MEF2A: variants seen among roughly 807,000 people sequenced by gnomAD.
MEF2A encodes the protein myocyte enhancer factor 2A, also known as myocyte-specific enhancer factor 2A.
In MEF2A, 28 loss-of-function variants were observed where a neutral mutation model predicts 55.8. The ratio of observed to expected loss-of-function variants is 0.50; its 90% CI spans 0.37 to 0.69. The LOEUF is 0.69. MEF2A is among the 30% of genes least tolerant of loss of function. The probability of loss-of-function intolerance (pLI) is 0.00; values close to 1 mark genes in which losing one functional copy is unlikely to be tolerated. For synonymous variants in MEF2A, 239 were observed against 227.1 expected (o/e 1.05, Z -0.47); for missense variants, 528 against 626.2 (o/e 0.84, Z 1.67).
intron 7 of MEF2A, among the ~76,000 whole-genome samples, chr15:99,687,137 C>T (rs1425684926): frequency 6.9e-6 from 1 of 144,398 alleles, no homozygotes; most frequent in Admixed American, 7.1e-5. Flanking sequence ...CCATGTTGCC[C>T]AGGCTGGTTT....
At chr15:99,582,138 C>A (rs893452078) in intron 1 of MEF2A, among the ~76,000 whole-genome samples, 8 of 152,108 alleles carry the variant, frequency 5.3e-5, no homozygotes, top group Middle Eastern at 6.8e-3. Flanking sequence ...CTTTAATATG[C>A]CCATATAAGA....
Position 99,673,574 on chromosome 15 carries a change from A to G in MEF2A, c.391-819A>G, listed in dbSNP as rs527712872. Among the ~76,000 whole-genome samples, 3 of 152,312 alleles carry G rather than the reference A, an allele frequency of 2.0e-5. No homozygotes were observed. The East Asian group carries it at 5.8e-4, about 29-fold the overall frequency. On this transcript the variant is annotated intron_variant, in intron 5 of 11. Transcript: ENST00000557942. ...TTATTTTCTCCCACTTTAAATTGTA[A>G]AGAGCAACATATATTTATCGTGGTT...
intron 4 of MEF2A, among the ~76,000 whole-genome samples, chr15:99,669,277 T>TCC (rs2050398868): frequency 6.6e-6 from 1 of 152,202 alleles, no homozygotes; most frequent in African/African-American, 2.4e-5. Context: ...ATATCAGAGA[T>TCC]TTAGGACTAG....
At chr15:99,620,046 G>A (rs1008924619) in intron 2 of MEF2A, among the ~76,000 whole-genome samples, 1 of 152,162 alleles carries the variant, frequency 6.6e-6, no homozygotes, top group Non-Finnish European at 1.5e-5. Context: ...TTGTTTTGTA[G>A]TAACTTTTTT....
At chr15:99,634,206 TA>T (rs1025071363) in intron 3 of MEF2A, among the ~76,000 whole-genome samples, 10 of 152,084 alleles carry the variant, frequency 6.6e-5, no homozygotes, top group Non-Finnish European at 1.5e-4. Flanking sequence ...TAATTGGAGA[TA>T]AAACTCAACT....
chr15:99,597,161 C>T (rs1013275052), intron 1 of MEF2A, among the ~76,000 whole-genome samples: 1 of 152,110 alleles, frequency 6.6e-6, no homozygotes, highest in Non-Finnish European at 1.5e-5. Context: ...TGCCGGTGAG[C>T]CGGGTGGAAC....
chr15:99,639,228 C>A (rs958519969), intron 3 of MEF2A, among the ~76,000 whole-genome samples: 1 of 151,968 alleles, frequency 6.6e-6, no homozygotes, highest in South Asian at 2.1e-4. Context: ...GATTTACTGT[C>A]CTCTTTATAA....
At position 99,710,713 on chromosome 15, in the gene MEF2A, G is replaced by C; in HGVS notation, c.1089G>C (p.Ser363=). 6.2e-7 allele frequency: 1 copy of C among 1,613,164 alleles called. No individual in the cohort carries two copies. The highest frequency in any genetic ancestry group is 8.5e-7 in the Non-Finnish European group (1 of 1,179,212). ...SPGMLSLGQV[S]AWQQHHLGQA... ...GAATGCTGTCGCTGGGACAGGTGTC[G>C]GCCTGGCAGCAGCACCACCTAGGAC... is the stretch of plus-strand genomic sequence containing the variant. Residue 363 remains serine, a synonymous_variant, in exon 11 of 12, where the codon TCG becomes TCC. Coordinates refer to ENST00000557942, the MANE Select transcript of MEF2A (RefSeq NM_001319206.4).
intron 4 of MEF2A, among the ~76,000 whole-genome samples, chr15:99,663,327 A>G (rs911227575): frequency 6.6e-6 from 1 of 152,176 alleles, no homozygotes; most frequent in Non-Finnish European, 1.5e-5. Flanking sequence ...AGATTATAGT[A>G]ATATGCATTT....
chr15:99,690,423 C>G lies in MEF2A; in HGVS notation c.853C>G (p.Pro285Ala), dbSNP rs777926012. 2 of 1,591,896 alleles carry G rather than the reference C, an allele frequency of 1.3e-6. No individual in the cohort carries two copies. The highest frequency in any genetic ancestry group is 3.5e-5 in the Admixed American group (2 of 57,128). The part of the protein sequence containing the change: ...IPPSSKGMMP[P>A]LSEEEELELN... ...CCCTTCAAGCAAGGGCATGATGCCT[C>G]CACTAGTAAGTTGAACCTTTCTTCA... Residue 285 changes from proline (P) to alanine (A), a missense_variant, in exon 8 of 12, where the codon CCA becomes GCA. Around this residue, in one of 2 missense-constraint regions of MEF2A, gnomAD observed 450 missense variants for 475.3 expected, o/e 0.95. Coordinates refer to ENST00000557942, the MANE Select transcript of MEF2A (RefSeq NM_001319206.4).
chr15:99,607,513 C>T (rs904778847), intron 2 of MEF2A, among the ~76,000 whole-genome samples: 2 of 152,056 alleles, frequency 1.3e-5, no homozygotes, highest in Middle Eastern at 3.2e-3. Flanking sequence ...ATGTAGAGAA[C>T]CGAGATTATT....
intron 6 of MEF2A, among the ~76,000 whole-genome samples, chr15:99,674,827 A>G (rs930375663): frequency 6.6e-6 from 1 of 152,192 alleles, no homozygotes; most frequent in East Asian, 1.9e-4. Flanking sequence ...AGAACCTGCC[A>G]TTTATATGCT....
At chr15:99,577,234 C>A (rs1964581431) in intron 1 of MEF2A, among the ~76,000 whole-genome samples, 1 of 152,102 alleles carries the variant, frequency 6.6e-6, no homozygotes, top group Non-Finnish European at 1.5e-5. Flanking sequence ...GCTTCTGATC[C>A]AGGAGTTATT....
At chr15:99,636,257 T>C (rs1463185979) in intron 3 of MEF2A, among the ~76,000 whole-genome samples, 1 of 152,238 alleles carries the variant, frequency 6.6e-6, no homozygotes, top group African/African-American at 2.4e-5. Flanking sequence ...CTTATTAATA[T>C]GCATTCTATA....
chr15:99,650,363 A>G (rs1386118391), intron 4 of MEF2A, among the ~76,000 whole-genome samples: 2 of 152,202 alleles, frequency 1.3e-5, no homozygotes, highest in African/African-American at 2.4e-5. Flanking sequence ...TACACCAATC[A>G]TGTACGATCT....
chr15:99,645,915 G>A (rs971200428), intron 4 of MEF2A, 151 bp downstream of exon 4: 18 of 553,212 alleles, frequency 3.3e-5, no homozygotes, highest in Admixed American at 6.6e-5. Context: ...AGTGATTGCT[G>A]TATGGCGACT....
chr15:99,628,744 A>G (rs576938298), intron 2 of MEF2A, among the ~76,000 whole-genome samples: 2 of 152,290 alleles, frequency 1.3e-5, no homozygotes, highest in South Asian at 4.1e-4. Context: ...TTGAAATCCC[A>G]CAAAGTATTA....
At chr15:99,628,490 G>T (rs1176441357) in intron 2 of MEF2A, among the ~76,000 whole-genome samples, 1 of 151,884 alleles carries the variant, frequency 6.6e-6, no homozygotes, top group Non-Finnish European at 1.5e-5. Context: ...CTTTCTATTT[G>T]TCTTTCCTTT....
At chr15:99,606,346 TA>T (rs570595727) in intron 2 of MEF2A, among the ~76,000 whole-genome samples, 10 of 149,762 alleles carry the variant, frequency 6.7e-5, no homozygotes, top group East Asian at 2.0e-4. Context: ...AAATATTTCT[TA>T]AAAAAAAAAT....
Sources: allele counts gnomAD v4.1 joint callset (sites outside exome capture counted in the v4.1 genomes callset), GRCh38; gene constraint gnomAD v4.1.1; regional missense constraint gnomAD v4.1.1; transcripts MANE v1.5; gene names NCBI Gene and HGNC (gene_info 2026-07-23, HGNC 2026-07-21).